The following KDELR2 variants were observed in gnomAD, a reference collection of about 807,000 sequenced individuals.
KDELR2 encodes ER lumen protein-retaining receptor 2.
In KDELR2, 15 loss-of-function variants were observed where a neutral mutation model predicts 23.9. That is an observed-to-expected ratio of 0.63 (90% CI 0.42 to 0.97). KDELR2 has a LOEUF of 0.97. Ranked by LOEUF, KDELR2 falls within the 50% of genes least tolerant of loss-of-function variation. KDELR2 has a pLI of 0.00. For missense variants in KDELR2, 272 were observed against 254.6 expected, an observed-to-expected ratio of 1.07 and a Z score of -0.46; for synonymous variants, 119 against 106.2, an observed-to-expected ratio of 1.12 and a Z score of -0.74.
At chr7:6,468,907 C>T (rs1785562000) in intron 3 of KDELR2, among the ~76,000 whole-genome samples, 1 of 152,024 alleles carries the variant, frequency 6.6e-6, no homozygotes, top group Non-Finnish European at 1.5e-5. Flanking sequence ...TCCCAAAATG[C>T]TGTGATTACA....
chr7:6,464,344 C>A lies in KDELR2; in HGVS notation c.605-1169G>T, dbSNP rs1344423982. Among the ~76,000 whole-genome samples, 24 of 151,180 alleles carry A rather than the reference C, an allele frequency of 1.6e-4. 1 individual carries two copies. The highest frequency in any genetic ancestry group is 7.4e-5 in the Non-Finnish European group (5 of 67,938). ...GACCAGCCTGGCCAACAAGGTGAAACCCCGTCTCTATTAAAAATACAAAAA... is the reference window on the plus strand; with the variant it reads ...GACCAGCCTGGCCAACAAGGTGAAAACCCGTCTCTATTAAAAATACAAAAA... On this transcript the variant is annotated intron_variant, in intron 4 of 4. Transcript: ENST00000258739.
chr7:6,480,356 T>A (rs941222640), intron 1 of KDELR2, among the ~76,000 whole-genome samples: 1 of 152,150 alleles, frequency 6.6e-6, no homozygotes, highest in African/African-American at 2.4e-5. Flanking sequence ...AAAAATAAAG[T>A]GACAACTTGA....
At chr7:6,466,033 C>T (rs377071546) in intron 4 of KDELR2, 38 bp downstream of exon 4, 20 of 1,604,338 alleles carry the variant, frequency 1.2e-5, no homozygotes, top group Middle Eastern at 1.7e-4. Flanking sequence ...TAAAAGAACA[C>T]GTCACTCTAG....
At chr7:6,465,804 G>A (rs1168568020) in intron 4 of KDELR2, among the ~76,000 whole-genome samples, 1 of 152,152 alleles carries the variant, frequency 6.6e-6, no homozygotes, top group Admixed American at 6.5e-5. Context: ...TGTATGCATA[G>A]AGAGGTATCT....
At chr7:6,467,372 A>G (rs1249668416) in intron 3 of KDELR2, among the ~76,000 whole-genome samples, 1 of 152,206 alleles carries the variant, frequency 6.6e-6, no homozygotes, top group African/African-American at 2.4e-5. Flanking sequence ...AAGGGGTAGA[A>G]GTCACAACTG....
chr7:6,482,688 G>T, intron 1 of KDELR2: 1 of 342,120 alleles, frequency 2.9e-6, no homozygotes, highest in Middle Eastern at 4.0e-4. Context: ...GATAATTCAG[G>T]ATCATCTTTT....
At chr7:6,472,045 C>T (rs1170165629) in intron 2 of KDELR2, among the ~76,000 whole-genome samples, 3 of 152,138 alleles carry the variant, frequency 2.0e-5, no homozygotes, top group African/African-American at 7.2e-5. Flanking sequence ...AGATTACAGG[C>T]GCATGCCGCC....
chr7:6,465,244 C>T (rs182820504), intron 4 of KDELR2, among the ~76,000 whole-genome samples: 1,959 of 147,508 alleles, frequency 0.013, 48 homozygotes, highest in African/African-American at 0.046. Context: ...AGTGCAGTGG[C>T]GCGATCTGGG....
In KDELR2 at chr7:6,474,207, A is replaced by C. The variant is rs963531377; in HGVS notation, c.169T>G (p.Ser57Ala). ...ACCTTCATAGATGTGTTATACAATG[A>C]AATAAATGAAGTAAAAAGATCCAGG... ...RYLDLFTSFI[S>A]LYNTSMKVIY... The change falls in exon 2 of 5, where the codon TCA becomes GCA. Residue 57 changes from serine (S) to alanine (A), a missense_variant. Coordinates refer to ENST00000258739, the MANE Select transcript of KDELR2 (RefSeq NM_006854.4). 5 of 1,612,354 alleles carry C rather than the reference A, an allele frequency of 3.1e-6. No homozygotes were observed. The Admixed American group carries it at 5.0e-5, about 16-fold the overall frequency.
chr7:6,465,206 G>C (rs975986805), intron 4 of KDELR2, among the ~76,000 whole-genome samples: 2 of 143,950 alleles, frequency 1.4e-5, no homozygotes, highest in African/African-American at 5.2e-5. Flanking sequence ...TTTTGAGAGA[G>C]AGAGTCTCGC....
At chr7:6,482,557 A>G (rs1562504068) in intron 1 of KDELR2, 2 of 470,732 alleles carry the variant, frequency 4.2e-6, no homozygotes, top group Non-Finnish European at 8.8e-6. Context: ...TACTTCCCGG[A>G]TCTCAGTTAT....
chr7:6,476,879 C>A (rs1269585613), intron 1 of KDELR2, among the ~76,000 whole-genome samples: 1 of 152,188 alleles, frequency 6.6e-6, no homozygotes, highest in East Asian at 1.9e-4. Context: ...AAACCTCACT[C>A]AGTACCAAGA....
intron 1 of KDELR2, among the ~76,000 whole-genome samples, chr7:6,479,278 C>T (rs2115333794): frequency 6.6e-6 from 1 of 152,144 alleles, no homozygotes; most frequent in Non-Finnish European, 1.5e-5. Flanking sequence ...CCCACTCAGC[C>T]TTCTGAGTAG....
At chr7:6,469,047 G>A (rs1256359149) in intron 3 of KDELR2, among the ~76,000 whole-genome samples, 5 of 151,314 alleles carry the variant, frequency 3.3e-5, no homozygotes, top group South Asian at 2.1e-4. Flanking sequence ...CACCTCCCGG[G>A]TTCACGCCAT....
intron 2 of KDELR2, among the ~76,000 whole-genome samples, chr7:6,473,176 G>T (rs1415202972): frequency 2.7e-5 from 4 of 146,530 alleles, no homozygotes; most frequent in African/African-American, 1.0e-4. Flanking sequence ...ACCCACCTTG[G>T]CCTCCCAAAG....
At chr7:6,482,087 C>T (rs1005263701) in intron 1 of KDELR2, among the ~76,000 whole-genome samples, 1 of 152,076 alleles carries the variant, frequency 6.6e-6, no homozygotes, top group Non-Finnish European at 1.5e-5. Flanking sequence ...ACCGCAATCT[C>T]CGCCTCCCAG....
chr7:6,466,740 G>C (rs188581627), intron 3 of KDELR2, among the ~76,000 whole-genome samples: 9 of 151,238 alleles, frequency 6.0e-5, no homozygotes, highest in Non-Finnish European at 1.3e-4. Context: ...AGATCATCAG[G>C]CATTAGATTT....
intron 3 of KDELR2, among the ~76,000 whole-genome samples, 193 bp downstream of exon 3, chr7:6,469,403 G>A (rs1459812414): frequency 1.3e-5 from 2 of 151,858 alleles, no homozygotes; most frequent in Non-Finnish European, 1.5e-5. Flanking sequence ...TTACAGGTGC[G>A]TGCCACCACA....
At chr7:6,464,296 G>A (rs1248682995) in intron 4 of KDELR2, among the ~76,000 whole-genome samples, 10 of 147,600 alleles carry the variant, frequency 6.8e-5, no homozygotes, top group East Asian at 2.1e-4. Flanking sequence ...TGAGGTGTGC[G>A]GATCACGAGG....
Sources: gnomAD v4.1 joint callset for allele counts (sites outside exome capture counted in the v4.1 genomes callset) on GRCh38, gnomAD v4.1.1 for gene constraint, MANE v1.5 for transcripts, NCBI Gene and HGNC (gene_info 2026-07-23, HGNC 2026-07-21) for gene names.